The following CNTLN variants were observed in gnomAD, a reference collection of about 807,000 sequenced individuals.
The protein encoded by CNTLN is centlein, centrosomal protein.
A neutral mutation model predicts 180.0 loss-of-function variants in CNTLN; 212 were observed. The ratio of observed to expected loss-of-function variants is 1.18; its 90% CI spans 1.05 to 1.32. The LOEUF is 1.32. Among genes scored for constraint, CNTLN ranks in the 40% most tolerant of loss-of-function variants. The pLI, the probability that CNTLN is intolerant of heterozygous loss-of-function variation, is 0.00. For missense variants in CNTLN, 2,095 were observed against 1,610.9 expected (o/e 1.30, Z -5.14); for synonymous variants, 722 against 563.1 (o/e 1.28, Z -3.99).
intron 4 of CNTLN, among the ~76,000 whole-genome samples, chr9:17,236,045 G>A (rs945666686): frequency 6.6e-6 from 1 of 152,142 alleles, no homozygotes; most frequent in Non-Finnish European, 1.5e-5. Context: ...TGAATATGTG[G>A]CTTCTTGTAA....
chr9:17,334,135 C>T (rs990599819), intron 10 of CNTLN, among the ~76,000 whole-genome samples: 3 of 152,128 alleles, frequency 2.0e-5, no homozygotes, highest in Non-Finnish European at 2.9e-5. Flanking sequence ...TCTCGGCTCA[C>T]TGCACCCTCT....
chr9:17,359,831 C>T (rs932047117), intron 12 of CNTLN, among the ~76,000 whole-genome samples: 1 of 148,548 alleles, frequency 6.7e-6, no homozygotes, highest in African/African-American at 2.5e-5. Flanking sequence ...ACCTGGGAGG[C>T]GGAGCTTGCA....
At chr9:17,480,827 A>G (rs1034546530) in intron 23 of CNTLN, among the ~76,000 whole-genome samples, 1 of 152,232 alleles carries the variant, frequency 6.6e-6, no homozygotes, top group Non-Finnish European at 1.5e-5. Flanking sequence ...TAAGAATATT[A>G]AAACCTTTGT....
intron 12 of CNTLN, among the ~76,000 whole-genome samples, chr9:17,359,557 G>A (rs931764071): frequency 2.0e-5 from 3 of 151,066 alleles, no homozygotes; most frequent in Admixed American, 1.3e-4. Context: ...ATAGAAAAAT[G>A]AGCAAAACAC....
At chr9:17,447,036 CAT>C (rs930715470) in intron 18 of CNTLN, 2 of 158,026 alleles carry the variant, frequency 1.3e-5, no homozygotes, top group African/African-American at 4.8e-5. Context: ...CGGTATTTCA[CAT>C]AGACTGCAGT....
At chr9:17,457,374 A>G (rs1280503227) in intron 18 of CNTLN, 150 bp from the exon 19 acceptor site, 1 of 444,838 alleles carries the variant, frequency 2.2e-6, no homozygotes, top group East Asian at 5.0e-5. Flanking sequence ...GTAGAGGTTA[A>G]GATTTTTGTA....
At chr9:17,434,830 T>G (rs886082356) in intron 18 of CNTLN, among the ~76,000 whole-genome samples, 1 of 151,986 alleles carries the variant, frequency 6.6e-6, no homozygotes, top group Admixed American at 6.6e-5. Flanking sequence ...CAACAGTTCT[T>G]TAAGAAAAAA....
At chr9:17,423,005 CAGG>C (rs1232566780) in intron 18 of CNTLN, among the ~76,000 whole-genome samples, 1 of 152,156 alleles carries the variant, frequency 6.6e-6, no homozygotes, top group Non-Finnish European at 1.5e-5. Context: ...AGGTAAGATC[CAGG>C]AGAATTCCCT....
At chr9:17,332,011 TTAA>T (rs1471724336) in intron 9 of CNTLN, among the ~76,000 whole-genome samples, 1 of 152,122 alleles carries the variant, frequency 6.6e-6, no homozygotes, top group Non-Finnish European at 1.5e-5. Flanking sequence ...GTTGCCCAGC[TTAA>T]TAGTTGCTTT....
intron 2 of CNTLN, among the ~76,000 whole-genome samples, chr9:17,222,650 C>T (rs1479515656): frequency 1.3e-5 from 2 of 152,014 alleles, no homozygotes; most frequent in African/African-American, 4.8e-5. Context: ...ACCTCTTTTT[C>T]TTCCCAGTCT....
At chr9:17,363,799 T>C (rs1413139798) in intron 12 of CNTLN, among the ~76,000 whole-genome samples, 1 of 152,148 alleles carries the variant, frequency 6.6e-6, no homozygotes, top group Non-Finnish European at 1.5e-5. Flanking sequence ...ATATATCTGT[T>C]AGTGTCTTTC....
intron 10 of CNTLN, among the ~76,000 whole-genome samples, chr9:17,339,771 T>C (rs866177176): frequency 1.3e-4 from 20 of 152,240 alleles, no homozygotes; most frequent in African/African-American, 4.6e-4. Flanking sequence ...CATGTGCATA[T>C]ATCTTCTGAG....
chr9:17,317,570 GAC>G (rs1819614874), intron 8 of CNTLN, among the ~76,000 whole-genome samples: 1 of 152,144 alleles, frequency 6.6e-6, no homozygotes, highest in African/African-American at 2.4e-5. Context: ...ATAAGCACAT[GAC>G]ACACGGTAAT....
At chr9:17,302,101 CACACACACACACACACACAG>C (rs60944558) in intron 7 of CNTLN, 86,683 of 968,452 alleles carry the variant, frequency 0.09, 2,074 homozygotes, top group African/African-American at 0.21. Flanking sequence ...CACACACACA[CACACACACACACACACACAG>C]ACACACACAC....
intron 15 of CNTLN, among the ~76,000 whole-genome samples, chr9:17,395,606 A>T (rs990046175): frequency 6.6e-6 from 1 of 152,178 alleles, no homozygotes; most frequent in African/African-American, 2.4e-5. Flanking sequence ...TATTTTATGT[A>T]TGTATTATGC....
intron 6 of CNTLN, among the ~76,000 whole-genome samples, chr9:17,297,166 A>G (rs1205548239): frequency 6.6e-6 from 1 of 152,192 alleles, no homozygotes; most frequent in East Asian, 1.9e-4. Context: ...TCTTGTCATT[A>G]TTCCCTAAAC....
chr9:17,452,464 C>T (rs1383922902), intron 18 of CNTLN, among the ~76,000 whole-genome samples: 3 of 152,092 alleles, frequency 2.0e-5, no homozygotes, highest in Admixed American at 6.6e-5. Context: ...CAGGGGAATA[C>T]GGGGAGGGAA....
chr9:17,424,407 A>G (rs1288095230), intron 18 of CNTLN, among the ~76,000 whole-genome samples: 1 of 152,156 alleles, frequency 6.6e-6, no homozygotes, highest in Non-Finnish European at 1.5e-5. Context: ...TGTTCCAATA[A>G]TATTACTTAA....
intron 2 of CNTLN, among the ~76,000 whole-genome samples, chr9:17,146,788 C>G (rs957218669): frequency 1.3e-5 from 2 of 152,086 alleles, no homozygotes; most frequent in South Asian, 4.1e-4. Flanking sequence ...ATTATTACTT[C>G]TAAAAATTAC....
Sources: allele counts gnomAD v4.1 joint callset (sites outside exome capture counted in the v4.1 genomes callset), GRCh38; gene constraint gnomAD v4.1.1; transcripts MANE v1.5; gene names NCBI Gene and HGNC (gene_info 2026-07-23, HGNC 2026-07-21).